Variants in IFT88 observed in about 807,000 individuals in gnomAD.
The protein encoded by IFT88 is intraflagellar transport 88, also known as intraflagellar transport protein 88 homolog.
Under a neutral mutation model 119.5 loss-of-function variants are expected in IFT88, and 74 were observed. The observed-to-expected ratio is 0.62, with a 90% CI of 0.51 to 0.75. The LOEUF (loss-of-function observed/expected upper bound fraction) is 0.75, where lower values mean the gene tolerates loss of function less well. Among genes scored for constraint, IFT88 ranks in the 30% least tolerant of loss-of-function variants. The pLI, the probability that IFT88 is intolerant of heterozygous loss-of-function variation, is 0.00. For synonymous variants in IFT88, 279 were observed against 316.7 expected (o/e 0.88, Z 1.26); for missense variants, 961 against 977.7 (o/e 0.98, Z 0.23).
chr13:20,614,620 G>T (rs1044445468), intron 13 of IFT88, among the ~76,000 whole-genome samples: 1 of 152,084 alleles, frequency 6.6e-6, no homozygotes, highest in Non-Finnish European at 1.5e-5. Flanking sequence ...GGAATATTCT[G>T]TTTCTTGACT....
intron 23 of IFT88, among the ~76,000 whole-genome samples, chr13:20,666,949 AAC>A (rs1485212853): frequency 6.6e-6 from 1 of 152,152 alleles, no homozygotes; most frequent in African/African-American, 2.4e-5. Flanking sequence ...CTTTTTTTAA[AAC>A]ACAAATGAGA....
chr13:20,618,465 A>G (rs1029297409), intron 14 of IFT88, among the ~76,000 whole-genome samples: 3 of 152,212 alleles, frequency 2.0e-5, no homozygotes, highest in African/African-American at 7.2e-5. Flanking sequence ...AAATAGTCCC[A>G]ACACACAGGC....
intron 3 of IFT88, among the ~76,000 whole-genome samples, chr13:20,585,780 A>G (rs1263640663): frequency 1.3e-5 from 2 of 152,214 alleles, no homozygotes; most frequent in African/African-American, 4.8e-5. Context: ...AGTAAAGTTA[A>G]TTCTTCACTA....
intron 21 of IFT88, among the ~76,000 whole-genome samples, chr13:20,654,623 G>A (rs2052421218): frequency 6.6e-6 from 1 of 152,186 alleles, no homozygotes; most frequent in Non-Finnish European, 1.5e-5. Context: ...TTGGCAGTTT[G>A]TTCTCACCCA....
At chr13:20,646,565 G>A (rs1228544790) in intron 20 of IFT88, among the ~76,000 whole-genome samples, 9 of 151,952 alleles carry the variant, frequency 5.9e-5, no homozygotes, top group Non-Finnish European at 1.0e-4. Flanking sequence ...TGATCCATTC[G>A]CCTCAGCCTC....
chr13:20,632,976 G>A lies in IFT88; in HGVS notation c.1386+1874G>A, dbSNP rs891195896. On this transcript the variant is annotated intron_variant, in intron 16 of 25. Transcript: ENST00000351808. ...TATCCCTCATATATGTAAAGATGAA[G>A]AAAGAGATCCAAACCCCTGGTTGAA... 2.6e-5 allele frequency among the ~76,000 whole-genome samples: 4 copies of A among 152,236 alleles called. No homozygotes were observed. The East Asian group carries it at 7.7e-4, about 29-fold the overall frequency.
intron 9 of IFT88, 81 bp from the exon 10 acceptor site, chr13:20,598,570 A>T: frequency 1.3e-6 from 1 of 757,820 alleles, no homozygotes; most frequent in East Asian, 2.5e-5. Flanking sequence ...TTGTTATAGG[A>T]TTTTAATCTC....
intron 11 of IFT88, among the ~76,000 whole-genome samples, chr13:20,600,370 A>G (rs2042393377): frequency 6.6e-6 from 1 of 152,164 alleles, no homozygotes; most frequent in African/African-American, 2.4e-5. Flanking sequence ...AGAAATCATT[A>G]TTGAGAACAA....
In IFT88 at chr13:20,607,216, A is replaced by G. The variant is rs530181080; in HGVS notation, c.1112+2111A>G. 1,119 of 399,426 alleles carry G rather than the reference A, an allele frequency of 2.8e-3. 3 individuals are homozygous for G. The highest frequency in any genetic ancestry group is 4.2e-3 in the African/African-American group (199 of 47,710). 24.7% of individuals were successfully genotyped at this position (399,426 alleles called of 1,614,324 possible). On this transcript the variant is annotated intron_variant, in intron 13 of 25. Coordinates refer to ENST00000351808, the MANE Select transcript of IFT88 (RefSeq NM_006531.5). ...GCTTGCCCCCTGCACCGCCCATCTC[A>G]GGCCCCGGGCCCAGTCTGCATTCGT...
rs1341015260 is a variant in IFT88 at position 20,571,499 on chromosome 13, A to AT, written c.-6-2879dup. On this transcript the variant is annotated intron_variant, in intron 1 of 25. Coordinates refer to ENST00000351808, the MANE Select transcript of IFT88 (RefSeq NM_006531.5). ...TGATACTTCCAGGAATCCTTGCCAG[A>AT]TTCTTTAGTAATTATTAGATTTACA... Among the ~76,000 whole-genome samples the AT allele has an allele frequency of 7.2e-5, 11 of 152,276 alleles. No individual in the cohort carries two copies. In the South Asian group the frequency reaches 2.3e-3, roughly 32 times the overall value.
chr13:20,597,499 C>G (rs2041859288), intron 9 of IFT88, among the ~76,000 whole-genome samples: 1 of 152,034 alleles, frequency 6.6e-6, no homozygotes, highest in Admixed American at 6.6e-5. Context: ...AATCCCAGCA[C>G]TTTGGGAGGC....
At chr13:20,626,831 G>A (rs79700122) in intron 15 of IFT88, among the ~76,000 whole-genome samples, 1 of 152,142 alleles carries the variant, frequency 6.6e-6, no homozygotes, top group African/African-American at 2.4e-5. Flanking sequence ...TAACACCAGT[G>A]GTTAGTGTCA....
chr13:20,641,495 G>A (rs1329967235), intron 18 of IFT88, 97 bp downstream of exon 18: 3 of 698,612 alleles, frequency 4.3e-6, no homozygotes, highest in East Asian at 2.8e-5. Context: ...AGTAATTGAT[G>A]AGGATAATAT....
At chr13:20,683,822 GCA>G (rs1407340746) in intron 24 of IFT88, among the ~76,000 whole-genome samples, 4 of 152,254 alleles carry the variant, frequency 2.6e-5, no homozygotes, top group Admixed American at 2.6e-4. Context: ...CCCACATACA[GCA>G]CAGTCAGGAG....
At position 20,568,110 on chromosome 13, in the gene IFT88, G is replaced by A. The variant is rs1269289291; in HGVS notation, c.-7+854G>A. ...AGCCGTCCTGTGCCACGTGCGGGCC[G>A]GGGTTGGAAAAGCTTGAAGTAGACT... On this transcript the variant is annotated intron_variant, in intron 1 of 25. Transcript: ENST00000351808. 8 of 665,346 alleles carry A rather than the reference G, an allele frequency of 1.2e-5. No individual in the cohort carries two copies. In the Admixed American group the frequency reaches 1.3e-4, roughly 11 times the overall value. 41.2% of individuals were successfully genotyped at this position (665,346 alleles called of 1,614,324 possible). A position where few individuals can be genotyped will look rare whatever the true frequency, so the allele number is the denominator to read the frequency against.
intron 3 of IFT88, among the ~76,000 whole-genome samples, chr13:20,587,670 G>A (rs989831984): frequency 2.0e-5 from 3 of 152,004 alleles, no homozygotes; most frequent in African/African-American, 7.3e-5. Flanking sequence ...ATTTAGAATT[G>A]CTATATTTTC....
At chr13:20,591,214 A>C (rs1461142400) in intron 5 of IFT88, among the ~76,000 whole-genome samples, 194 bp downstream of exon 5, 1 of 152,170 alleles carries the variant, frequency 6.6e-6, no homozygotes, top group African/African-American at 2.4e-5. Context: ...CTTTAGATTT[A>C]TTTACTCAGG....
At chr13:20,570,080 C>A (rs2035999346) in intron 1 of IFT88, among the ~76,000 whole-genome samples, 1 of 151,594 alleles carries the variant, frequency 6.6e-6, no homozygotes, top group Non-Finnish European at 1.5e-5. Flanking sequence ...ACAGACATTT[C>A]TCCAAAGAGA....
intron 14 of IFT88, among the ~76,000 whole-genome samples, chr13:20,622,435 C>T (rs2046687433): frequency 1.3e-5 from 2 of 152,178 alleles, no homozygotes; most frequent in East Asian, 3.8e-4. Flanking sequence ...TACCATTTTG[C>T]ATTCCCATTA....
Sources: gnomAD v4.1 joint callset for allele counts (sites outside exome capture counted in the v4.1 genomes callset) on GRCh38, gnomAD v4.1.1 for gene constraint, MANE v1.5 for transcripts, NCBI Gene and HGNC (gene_info 2026-07-23, HGNC 2026-07-21) for gene names.